The following LPP variants were observed in gnomAD, a reference collection of about 807,000 sequenced individuals.
LPP encodes the protein lipoma-preferred partner.
Under a neutral mutation model 60.4 loss-of-function variants are expected in LPP, and 38 were observed. That is an observed-to-expected ratio of 0.63 (90% CI 0.49 to 0.83). The LOEUF (loss-of-function observed/expected upper bound fraction) is 0.83. Ranked by LOEUF, LPP falls within the 40% of genes least tolerant of loss-of-function variation. The probability of loss-of-function intolerance (pLI) is 0.00; values close to 1 mark genes in which losing one functional copy is unlikely to be tolerated. For synonymous variants in LPP, 328 were observed against 290.8 expected, an observed-to-expected ratio of 1.13 and a Z score of -1.30; for missense variants, 902 against 783.6, an observed-to-expected ratio of 1.15 and a Z score of -1.80.
chr3:188,334,012 G>A (rs1304651665), intron 2 of LPP, among the ~76,000 whole-genome samples: 1 of 152,048 alleles, frequency 6.6e-6, no homozygotes, highest in East Asian at 1.9e-4. Context: ...CCAACCTTTG[G>A]CTATCCTCCC....
chr3:188,732,510 C>A (rs9290880), intron 8 of LPP, among the ~76,000 whole-genome samples: 31,141 of 151,906 alleles, frequency 0.21, 3,825 homozygotes, highest in Middle Eastern at 0.42. Flanking sequence ...GTAATCCCAG[C>A]GCTTTGGGAG....
chr3:188,214,031 C>T (rs1286950367), intron 1 of LPP, among the ~76,000 whole-genome samples: 2 of 149,016 alleles, frequency 1.3e-5, no homozygotes, highest in African/African-American at 2.4e-5. Context: ...AGGATAGAGA[C>T]CCAGAAGACA....
intron 1 of LPP, chr3:188,208,313 G>C (rs1487298485): frequency 6.6e-6 from 1 of 152,238 alleles, no homozygotes; most frequent in African/African-American, 2.4e-5. Flanking sequence ...TCTTCAGCAA[G>C]ACCTGGTATG....
chr3:188,379,633 C>T (rs369259822), intron 3 of LPP, among the ~76,000 whole-genome samples: 3 of 152,146 alleles, frequency 2.0e-5, no homozygotes, highest in South Asian at 2.1e-4. Flanking sequence ...TGTGAAGTTG[C>T]CCATTCTGGA....
At chr3:188,776,366 T>G (rs766391525) in intron 9 of LPP, among the ~76,000 whole-genome samples, 1 of 152,198 alleles carries the variant, frequency 6.6e-6, no homozygotes, top group Non-Finnish European at 1.5e-5. Context: ...TTTTTTATGT[T>G]GAATTCCATT....
intron 3 of LPP, among the ~76,000 whole-genome samples, chr3:188,371,629 ATATATATATATATTTTTT>A (rs1773131643): frequency 3.9e-5 from 1 of 25,974 alleles, no homozygotes; most frequent in African/African-American, 8.8e-5. Flanking sequence ...ATATATATAT[ATATATATATATATTTTTT>A]TTTTTTTTTT....
intron 9 of LPP, among the ~76,000 whole-genome samples, chr3:188,838,056 AGTCTT>A (rs1189650676): frequency 1.3e-5 from 2 of 152,144 alleles, no homozygotes; most frequent in Non-Finnish European, 2.9e-5. Flanking sequence ...TCCTATCCCT[AGTCTT>A]GTTTGGTTGG....
In LPP at chr3:188,428,594, A is replaced by ATTT. The variant is rs138669629; in HGVS notation, c.193+22282_193+22283insTTT. ...TGGGATGGGCACTATATATATATAT[A>ATTT]TATTTTTTTTTTTTAACACTATCCA... On this transcript the variant is annotated intron_variant, in intron 4 of 11. Transcript: ENST00000617246. 2.6e-3 allele frequency among the ~76,000 whole-genome samples: 262 copies of ATTT among 99,460 alleles called. 1 individual carries two copies. The highest frequency in any genetic ancestry group is 7.1e-3 in the African/African-American group (152 of 21,370). The allele number at this position is 99,460 out of a possible 152,430, so 65.2% of individuals were successfully genotyped here.
At chr3:188,430,280 T>C (rs1221795579) in intron 4 of LPP, among the ~76,000 whole-genome samples, 1 of 152,124 alleles carries the variant, frequency 6.6e-6, no homozygotes, top group Non-Finnish European at 1.5e-5. Flanking sequence ...ATTAAGAAAA[T>C]TATCAGAATT....
At chr3:188,727,339 A>G (rs1718801163) in intron 8 of LPP, among the ~76,000 whole-genome samples, 2 of 152,196 alleles carry the variant, frequency 1.3e-5, no homozygotes, top group Non-Finnish European at 2.9e-5. Context: ...TTGAAACGTT[A>G]TGATACAGGC....
chr3:188,163,175 A>G (rs754806587), intron 1 of LPP, among the ~76,000 whole-genome samples: 2 of 152,050 alleles, frequency 1.3e-5, no homozygotes, highest in Non-Finnish European at 2.9e-5. Context: ...CTACTGTTGT[A>G]ATTGCTTGTG....
At chr3:188,298,536 T>A (rs1035791719) in intron 2 of LPP, among the ~76,000 whole-genome samples, 1 of 152,224 alleles carries the variant, frequency 6.6e-6, no homozygotes, top group Non-Finnish European at 1.5e-5. Flanking sequence ...TGTTTGGGTC[T>A]GGACTAGGGC....
At chr3:188,809,678 A>C (rs1432380393) in intron 9 of LPP, among the ~76,000 whole-genome samples, 2 of 152,080 alleles carry the variant, frequency 1.3e-5, no homozygotes, top group Non-Finnish European at 2.9e-5. Flanking sequence ...GAAGCTCTTT[A>C]GTTTAATTAG....
chr3:188,360,936 G>A (rs1160546258), intron 3 of LPP, among the ~76,000 whole-genome samples: 2 of 152,264 alleles, frequency 1.3e-5, no homozygotes, highest in South Asian at 4.1e-4. Flanking sequence ...GATAGCGGGT[G>A]TATAAAGTGC....
In LPP at chr3:188,352,450, C is replaced by T. The variant is rs73888227; in HGVS notation, c.-10+10731C>T. ...ATAGAAGCTGTTGATGTGGTCACGT[C>T]AGTGCCTCTTCGGGAGCTGTGTGAC... On this transcript the variant is annotated intron_variant, in intron 3 of 11. Coordinates refer to ENST00000617246, the MANE Select transcript of LPP (RefSeq NM_001375462.1). This position sits in a 1 kb window ranked among gnomAD's most constrained non-coding sequence, Gnocchi z 4.4. 0.012 allele frequency among the ~76,000 whole-genome samples: 1,853 copies of T among 152,294 alleles called. 49 individuals are homozygous for T. The highest frequency in any genetic ancestry group is 0.041 in the African/African-American group (1,722 of 41,560).
rs112279420 is a variant in LPP at position 188,543,754 on chromosome 3, T to C, written c.429+18967T>C. On this transcript the variant is annotated intron_variant, in intron 6 of 11. Coordinates refer to ENST00000617246, the MANE Select transcript of LPP (RefSeq NM_001375462.1). ...TGTGGAGGGGACAGCCCATCACACTTACCATAGTCTGTTTGTTTGAAGTAA... is the reference window on the plus strand; with the variant it reads ...TGTGGAGGGGACAGCCCATCACACTCACCATAGTCTGTTTGTTTGAAGTAA... Among the ~76,000 whole-genome samples the C allele has an allele frequency of 4.7e-3, 720 of 152,276 alleles. 8 individuals carry two copies. Among genetic ancestry groups the C allele is most frequent in the African/African-American group, 0.016 (683 of 41,570 alleles).
At chr3:188,238,703 T>C (rs1722768114) in intron 2 of LPP, among the ~76,000 whole-genome samples, 1 of 152,250 alleles carries the variant, frequency 6.6e-6, no homozygotes, top group Non-Finnish European at 1.5e-5. Context: ...CCCAAAATAA[T>C]TATGATAGTC....
At chr3:188,794,278 T>TG (rs796666110) in intron 9 of LPP, among the ~76,000 whole-genome samples, 1 of 152,228 alleles carries the variant, frequency 6.6e-6, no homozygotes, top group South Asian at 2.1e-4. Flanking sequence ...GGCCCAGACA[T>TG]GGGCAGTTTT....
chr3:188,610,352 C>T lies in LPP; in HGVS notation c.1113+508C>T, dbSNP rs1007972019. 7.9e-5 allele frequency among the ~76,000 whole-genome samples: 12 copies of T among 152,136 alleles called. No homozygotes were observed. On this transcript the variant is annotated intron_variant, in intron 7 of 11. Coordinates refer to ENST00000617246, the MANE Select transcript of LPP (RefSeq NM_001375462.1). The surrounding 1 kb of genome is among the most constrained non-coding windows in gnomAD (Gnocchi z 4.4). ...GGCCCTGTGAAGGCGATTATAACTCCCGCAATGTTGGTACCACAGCGGTTG... is the reference window on the plus strand; with the variant it reads ...GGCCCTGTGAAGGCGATTATAACTCTCGCAATGTTGGTACCACAGCGGTTG...
Sources: gnomAD v4.1 joint callset for allele counts (sites outside exome capture counted in the v4.1 genomes callset) on GRCh38, gnomAD v4.1.1 for gene constraint, Gnocchi (gnomAD v3.1) non-coding constraint, MANE v1.5 for transcripts, NCBI Gene and HGNC (gene_info 2026-07-23, HGNC 2026-07-21) for gene names.